The following EVC variants were observed in gnomAD, a reference collection of about 807,000 sequenced individuals.
The protein encoded by EVC is evC complex member EVC.
A neutral mutation model predicts 118.9 loss-of-function variants in EVC; 116 were observed. The observed-to-expected ratio is 0.98, with a 90% CI of 0.84 to 1.14. The LOEUF is 1.14. EVC is among the 50% of genes most tolerant of loss of function. The probability of loss-of-function intolerance (pLI) is 0.00; values close to 1 mark genes in which losing one functional copy is unlikely to be tolerated. For synonymous variants in EVC, 619 were observed against 534.7 expected (o/e 1.16, Z -2.18); for missense variants, 1,401 against 1,246.4 (o/e 1.12, Z -1.87).
At chr4:5,828,374 G>A in the EVC span, 2 of 1,452,042 alleles carry the variant, frequency 1.4e-6, no homozygotes, top group Non-Finnish European at 1.8e-6. Flanking sequence ...TAAGGAAACG[G>A]AGGTTCCCAG....
intron 11 of EVC, among the ~76,000 whole-genome samples, chr4:5,765,623 C>G (rs1281672339): frequency 6.2e-5 from 8 of 129,920 alleles, no homozygotes; most frequent in Non-Finnish European, 9.9e-5. Context: ...ATAGTTAGCT[C>G]TTCTTGTTGA....
chr4:5,781,121 T>A (rs115805813), intron 11 of EVC, among the ~76,000 whole-genome samples: 361 of 152,298 alleles, frequency 2.4e-3, no homozygotes, highest in African/African-American at 8.5e-3. Flanking sequence ...ACATTGCACC[T>A]AATGAGACCC....
intron 1 of EVC, among the ~76,000 whole-genome samples, chr4:5,717,652 C>G (rs6848229): frequency 0.83 from 126,205 of 152,234 alleles, 52,617 homozygotes; most frequent in African/African-American, 0.91. Flanking sequence ...ACAGGTTTCT[C>G]TCTATGCCCA....
At chr4:5,761,027 A>G (rs1731927141) in intron 11 of EVC, among the ~76,000 whole-genome samples, 1 of 152,180 alleles carries the variant, frequency 6.6e-6, no homozygotes, top group Non-Finnish European at 1.5e-5. Flanking sequence ...CTGATACTCC[A>G]TAGGAGCAGG....
At chr4:5,821,725 G>C in the EVC span, 3 of 1,555,596 alleles carry the variant, frequency 1.9e-6, no homozygotes, top group Non-Finnish European at 2.6e-6. This position sits in a 1 kb window ranked among gnomAD's most constrained non-coding sequence, Gnocchi z 4.4. Flanking sequence ...ATGATTCCCA[G>C]AATCCTTCAG....
In EVC at chr4:5,741,814, A is replaced by G; in HGVS notation, c.801A>G (p.Lys267=). Residue 267 remains lysine (K), a splice_region_variant and synonymous_variant, in exon 6 of 21, where the codon AAA becomes AAG. Transcript: ENST00000264956. ...LYQKILSKQE[K]DLEELEKGLQ... is the part of the protein sequence containing the mutation. ...AGAAGATCCTTTCAAAACAAGAAAAAGTAAGTCTTCAACCTATGTTTCAAG... is the reference window on the plus strand; with the variant it reads ...AGAAGATCCTTTCAAAACAAGAAAAGGTAAGTCTTCAACCTATGTTTCAAG... 1 of 1,425,250 alleles carries G rather than the reference A, an allele frequency of 7.0e-7. No homozygotes were observed. The highest frequency in any genetic ancestry group is 1.2e-5 in the South Asian group (1 of 86,740). The allele number at this position is 1,425,250 out of a possible 1,614,324, so 88.3% of individuals were successfully genotyped here.
In EVC at chr4:5,731,486, C is replaced by G; in HGVS notation, c.446C>G (p.Pro149Arg). The change falls in exon 4 of 21, where the codon CCA (proline) becomes CGA (arginine). Residue 149 changes from proline (P) to arginine (R), a missense_variant. Coordinates refer to ENST00000264956, the MANE Select transcript of EVC (RefSeq NM_153717.3). This position sits in a 1 kb window ranked among gnomAD's most constrained non-coding sequence, Gnocchi z 5.6. ...LHENLKQAVL[P>R]HQPVEASPSS... ...GAAAACTTAAAGCAGGCTGTTTTGCCACACCAGCCGGTAGAGGCCTCTCCT... is the reference window on the plus strand; with the variant it reads ...GAAAACTTAAAGCAGGCTGTTTTGCGACACCAGCCGGTAGAGGCCTCTCCT... The G allele has an allele frequency of 6.2e-7, 1 of 1,613,496 alleles. No homozygotes were observed. The highest frequency in any genetic ancestry group is 8.5e-7 in the Non-Finnish European group (1 of 1,179,926).
chr4:5,729,023 C>G (rs1726336785), intron 2 of EVC, among the ~76,000 whole-genome samples: 1 of 152,096 alleles, frequency 6.6e-6, no homozygotes, highest in Non-Finnish European at 1.5e-5. Flanking sequence ...CATCCAACCA[C>G]CCATCTATTC....
chr4:5,723,008 C>G (rs1006594203), intron 2 of EVC, among the ~76,000 whole-genome samples: 1 of 152,148 alleles, frequency 6.6e-6, no homozygotes, highest in Admixed American at 6.5e-5. Context: ...TCCTTCATCC[C>G]CTGGCAGAGA....
chr4:5,748,424 CA>C lies in EVC; in HGVS notation c.1098+119del, dbSNP rs150500409. 95,702 of 1,122,966 alleles carry C rather than the reference CA, an allele frequency of 0.085. 4,779 individuals carry two copies. The highest frequency in any genetic ancestry group is 0.097 in the South Asian group (6,484 of 67,088). 69.6% of individuals were successfully genotyped at this position (1,122,966 alleles called of 1,614,324 possible). ...TGTTGTAGCTGGTTATATAGAGCCT[CA>C]GGGAAAAAAAAACCAACAACAACAG... On this transcript the variant is annotated intron_variant, in intron 8 of 20. Transcript: ENST00000264956.
chr4:5,761,754 T>C (rs1325799105), intron 11 of EVC, among the ~76,000 whole-genome samples: 1 of 151,828 alleles, frequency 6.6e-6, no homozygotes, highest in East Asian at 1.9e-4. Flanking sequence ...GAAAGCCTTA[T>C]GGTGGTTGGC....
chr4:5,746,582 C>T lies in EVC; in HGVS notation c.939+1241C>T, dbSNP rs1729386673. 6.6e-6 allele frequency among the ~76,000 whole-genome samples: 1 copy of T among 152,132 alleles called. No individual in the cohort carries two copies. Among genetic ancestry groups the T allele is most frequent in the South Asian group, 2.1e-4 (1 of 4,818 alleles). On this transcript the variant is annotated intron_variant, in intron 7 of 20. Coordinates refer to ENST00000264956, the MANE Select transcript of EVC (RefSeq NM_153717.3). The surrounding 1 kb of genome is among the most constrained non-coding windows in gnomAD (Gnocchi z 5.8). ...TTTGAGGGCCAGAATGTTCTTAGAA[C>T]TGTGGGCCAGGATGCTAAGGAAGAG...
intron 11 of EVC, among the ~76,000 whole-genome samples, chr4:5,767,637 T>A (rs1733146418): frequency 6.6e-6 from 1 of 151,980 alleles, no homozygotes; most frequent in Non-Finnish European, 1.5e-5. Flanking sequence ...AAAAGCACAG[T>A]ATGCGGGTGG....
intron 11 of EVC, among the ~76,000 whole-genome samples, chr4:5,768,064 A>G (rs746806106): frequency 9.9e-5 from 15 of 152,248 alleles, no homozygotes; most frequent in African/African-American, 2.2e-4. Flanking sequence ...CAGCATGTGT[A>G]TGCTTGGCAT....
intron 5 of EVC, among the ~76,000 whole-genome samples, chr4:5,741,379 C>T (rs1429446012): frequency 6.6e-6 from 1 of 152,224 alleles, no homozygotes; most frequent in Admixed American, 6.5e-5. Context: ...GAAGCAAACC[C>T]TCCTTTGCTT....
At chr4:5,723,008 C>T (rs1006594203) in intron 2 of EVC, among the ~76,000 whole-genome samples, 1 of 152,148 alleles carries the variant, frequency 6.6e-6, no homozygotes, top group African/African-American at 2.4e-5. Flanking sequence ...TCCTTCATCC[C>T]CTGGCAGAGA....
At chr4:5,773,499 C>T (rs562673334) in intron 11 of EVC, among the ~76,000 whole-genome samples, 146 of 152,220 alleles carry the variant, frequency 9.6e-4, no homozygotes, top group African/African-American at 3.4e-3. Context: ...AAGCAAGTTA[C>T]GTGCCTGAAC....
chr4:5,749,341 GAA>G lies in EVC; in HGVS notation c.1098+1053_1098+1054del, dbSNP rs57482108. ...TAACACTAACGATAGCTGATGAGCG[GAA>G]AAAAAAAAAAAAAAAAAGGTCCCTC... On this transcript the variant is annotated intron_variant, in intron 8 of 20. Transcript: ENST00000264956. This position sits in a 1 kb window ranked among gnomAD's most constrained non-coding sequence, Gnocchi z 4.4. Among the ~76,000 whole-genome samples, 17 of 121,840 alleles carry G rather than the reference GAA, an allele frequency of 1.4e-4. No individual in the cohort carries two copies. The highest frequency in any genetic ancestry group is 1.1e-3 in the South Asian group (4 of 3,598). 79.9% of individuals were successfully genotyped at this position (121,840 alleles called of 152,430 possible). A position where few individuals can be genotyped will look rare whatever the true frequency, so the allele number is the denominator to read the frequency against.
At chr4:5,803,104 A>G (rs1241029281) in intron 16 of EVC, among the ~76,000 whole-genome samples, 1 of 152,218 alleles carries the variant, frequency 6.6e-6, no homozygotes, top group Non-Finnish European at 1.5e-5. Flanking sequence ...TAGAAAGGAC[A>G]GTATCCCCAG....
Sources: gnomAD v4.1 joint callset for allele counts (sites outside exome capture counted in the v4.1 genomes callset) on GRCh38, gnomAD v4.1.1 for gene constraint, Gnocchi (gnomAD v3.1) non-coding constraint, MANE v1.5 for transcripts, NCBI Gene and HGNC (gene_info 2026-07-23, HGNC 2026-07-21) for gene names.